The following GRIK3 variants were observed in gnomAD, a reference collection of about 807,000 sequenced individuals.
GRIK3 encodes the protein glutamate ionotropic receptor kainate type subunit 3, also known as glutamate receptor ionotropic, kainate 3.
Under a neutral mutation model 102.5 loss-of-function variants are expected in GRIK3, and 29 were observed. That is an observed-to-expected ratio of 0.28 (90% CI 0.21 to 0.39). The LOEUF is 0.39. Among genes scored for constraint, GRIK3 ranks in the 10% least tolerant of loss-of-function variants. GRIK3 has a pLI of 1.00. For missense variants in GRIK3, 908 were observed against 1,252.4 expected (o/e 0.73, Z 4.15); for synonymous variants, 511 against 504.9 (o/e 1.01, Z -0.16).
chr1:36,977,210 C>T (rs1245792510), intron 1 of GRIK3, among the ~76,000 whole-genome samples: 3 of 152,204 alleles, frequency 2.0e-5, no homozygotes, highest in Non-Finnish European at 2.9e-5. Context: ...GGTTAGTAAT[C>T]CTTACTTCAT....
chr1:36,889,568 T>C (rs1641079509), intron 2 of GRIK3, among the ~76,000 whole-genome samples: 1 of 152,070 alleles, frequency 6.6e-6, no homozygotes, highest in South Asian at 2.1e-4. Flanking sequence ...GTTGTGGCTT[T>C]GGTCACTTGG....
At chr1:36,809,716 A>G (rs542203723) in intron 13 of GRIK3, among the ~76,000 whole-genome samples, 1 of 152,302 alleles carries the variant, frequency 6.6e-6, no homozygotes, top group Admixed American at 6.5e-5. Flanking sequence ...TGGAGACAGA[A>G]ATTTCAGTTG....
At chr1:36,871,095 A>C (rs1186810108) in intron 4 of GRIK3, among the ~76,000 whole-genome samples, 3 of 152,116 alleles carry the variant, frequency 2.0e-5, no homozygotes, top group African/African-American at 7.2e-5. Flanking sequence ...TCCTTGTTGC[A>C]CTGAAGCCTC....
At chr1:36,957,518 C>CTTG (rs1641932486) in intron 1 of GRIK3, among the ~76,000 whole-genome samples, 1 of 123,366 alleles carries the variant, frequency 8.1e-6, no homozygotes, top group East Asian at 2.5e-4. Flanking sequence ...CTCTGTGCCC[C>CTTG]ATAAGCCTGT....
rs200044129 is a variant in GRIK3 at position 36,850,296 on chromosome 1, G to A, written c.1326+15C>T. 4.5e-4 allele frequency: 672 copies of A among 1,504,310 alleles called. 7 individuals are homozygous for A. In the African/African-American group the frequency reaches 8.4e-3, roughly 19 times the overall value. 93.2% of individuals were successfully genotyped at this position (1,504,310 alleles called of 1,614,324 possible). The stretch of plus-strand genomic sequence containing the variant: ...AGGTCGGACAGTCCTTCCTGCAGGG[G>A]CTGCAGGCTCTTACCAGCACTGTGG... On this transcript the variant is annotated intron_variant, in intron 9 of 15. Transcript: ENST00000373091. This position sits in a 1 kb window ranked among gnomAD's most constrained non-coding sequence, Gnocchi z 4.0.
chr1:36,919,837 G>T (rs79638941), intron 1 of GRIK3, among the ~76,000 whole-genome samples: 1 of 152,214 alleles, frequency 6.6e-6, no homozygotes, highest in African/African-American at 2.4e-5. Flanking sequence ...GGCCCTACCC[G>T]TGGCGGGTGC....
At chr1:36,967,728 G>A (rs1642095404) in intron 1 of GRIK3, among the ~76,000 whole-genome samples, 1 of 152,214 alleles carries the variant, frequency 6.6e-6, no homozygotes, top group Non-Finnish European at 1.5e-5. Context: ...CAGACACACT[G>A]AGTCAGAAGC....
chr1:36,872,507 G>A lies in GRIK3; in HGVS notation c.551-138C>T, dbSNP rs75210781. The A allele has an allele frequency of 1.1e-3, 685 of 641,396 alleles. 13 individuals carry two copies. Among genetic ancestry groups the A allele is most frequent in the South Asian group, 8.1e-3 (376 of 46,554 alleles). The allele number at this position is 641,396 out of a possible 1,614,324, so 39.7% of individuals were successfully genotyped here. On this transcript the variant is annotated intron_variant, in intron 3 of 15. Transcript: ENST00000373091. The surrounding 1 kb of genome is among the most constrained non-coding windows in gnomAD (Gnocchi z 5.9). The stretch of plus-strand genomic sequence containing the variant: ...TACACGGGCAGAAACGTGGCCCACA[G>A]AGACTTGTGCACGTGCATGGACAAC...
intron 1 of GRIK3, among the ~76,000 whole-genome samples, chr1:36,927,466 C>T (rs765180717): frequency 3.3e-5 from 5 of 152,124 alleles, no homozygotes; most frequent in Non-Finnish European, 7.3e-5. Context: ...GAATTTAGCA[C>T]TAACAGGCCC....
At chr1:37,015,144 A>G (rs1642641007) in intron 1 of GRIK3, among the ~76,000 whole-genome samples, 1 of 152,130 alleles carries the variant, frequency 6.6e-6, no homozygotes, top group South Asian at 2.1e-4. Context: ...TGGTTGGTGC[A>G]ATGGGGAAAG....
At chr1:36,865,731 G>C (rs967872705) in intron 5 of GRIK3, among the ~76,000 whole-genome samples, 3 of 152,226 alleles carry the variant, frequency 2.0e-5, no homozygotes, top group African/African-American at 7.2e-5. Context: ...GACAGGACCA[G>C]GAGTCAGGAG....
At position 36,806,948 on chromosome 1, in the gene GRIK3, T is replaced by G. The variant is rs939359350; in HGVS notation, c.2092-622A>C. Reference sequence around the variant, plus strand: ...GCTGAGTGGGTCCTGGGCCTCCCCTTTCACTTCAACCAATGGAGGCCTCTT... The same window carrying G: ...GCTGAGTGGGTCCTGGGCCTCCCCTGTCACTTCAACCAATGGAGGCCTCTT... On this transcript the variant is annotated intron_variant, in intron 13 of 15. Transcript: ENST00000373091. This position sits in a 1 kb window ranked among gnomAD's most constrained non-coding sequence, Gnocchi z 4.0. Among the ~76,000 whole-genome samples the G allele has an allele frequency of 6.6e-6, 1 of 152,162 alleles. No homozygotes were observed. The highest frequency in any genetic ancestry group is 1.5e-5 in the Non-Finnish European group (1 of 68,022).
intron 1 of GRIK3, among the ~76,000 whole-genome samples, chr1:37,033,771 G>A (rs1642856434): frequency 6.6e-6 from 1 of 152,182 alleles, no homozygotes; most frequent in African/African-American, 2.4e-5. Flanking sequence ...GCGCGCCAAG[G>A]GCCCCTCGCC....
At chr1:36,835,064 T>C (rs56018832) in intron 10 of GRIK3, among the ~76,000 whole-genome samples, 18,745 of 152,298 alleles carry the variant, frequency 0.12, 1,259 homozygotes, top group Non-Finnish European at 0.15. Context: ...ATCACTTGTC[T>C]GATTCATTGT....
chr1:36,914,971 G>T (rs1180873396), intron 1 of GRIK3, among the ~76,000 whole-genome samples: 1 of 152,186 alleles, frequency 6.6e-6, no homozygotes, highest in Non-Finnish European at 1.5e-5. Context: ...TTCAAATAAG[G>T]GATTCTGACT....
chr1:36,885,464 G>A (rs1641027871), intron 2 of GRIK3, among the ~76,000 whole-genome samples: 2 of 152,308 alleles, frequency 1.3e-5, no homozygotes, highest in East Asian at 3.9e-4. Flanking sequence ...AGTAATTGTG[G>A]TGCTGGTGTA....
At chr1:36,935,734 AAACT>A (rs767398052) in intron 1 of GRIK3, among the ~76,000 whole-genome samples, 16 of 152,240 alleles carry the variant, frequency 1.1e-4, no homozygotes, top group African/African-American at 1.4e-4. Context: ...AGACTAAAAC[AAACT>A]AACTGCGAGT....
chr1:36,953,236 T>C (rs528041657), intron 1 of GRIK3, among the ~76,000 whole-genome samples: 26 of 152,268 alleles, frequency 1.7e-4, no homozygotes, highest in Admixed American at 5.2e-4. Flanking sequence ...GGAGCTGCCC[T>C]TGGGCTCTGG....
At chr1:36,836,222 C>G (rs533568467) in intron 10 of GRIK3, among the ~76,000 whole-genome samples, 1 of 152,370 alleles carries the variant, frequency 6.6e-6, no homozygotes, top group South Asian at 2.1e-4. Context: ...GAACTCAGAT[C>G]TGCTTCTGGT....
Sources: gnomAD v4.1 joint callset for allele counts (sites outside exome capture counted in the v4.1 genomes callset) on GRCh38, gnomAD v4.1.1 for gene constraint, Gnocchi (gnomAD v3.1) non-coding constraint, MANE v1.5 for transcripts, NCBI Gene and HGNC (gene_info 2026-07-23, HGNC 2026-07-21) for gene names.